Variants in FARP2 observed in about 807,000 individuals in gnomAD.
The protein encoded by FARP2 is FERM, ARHGEF and pleckstrin domain-containing protein 2.
In FARP2, 111 loss-of-function variants were observed where a neutral mutation model predicts 130.5. The observed-to-expected ratio is 0.85, with a 90% CI of 0.73 to 1.00. FARP2 has a LOEUF of 1.00. Among genes scored for constraint, FARP2 ranks in the 50% least tolerant of loss-of-function variants. The pLI is 0.00. For missense variants in FARP2, 1,385 were observed against 1,346.3 expected, an observed-to-expected ratio of 1.03 and a Z score of -0.45; for synonymous variants, 504 against 516.9, an observed-to-expected ratio of 0.98 and a Z score of 0.34.
intron 22 of FARP2, among the ~76,000 whole-genome samples, chr2:241,490,822 G>C (rs1039376062): frequency 6.6e-6 from 1 of 152,174 alleles, no homozygotes; most frequent in Non-Finnish European, 1.5e-5. Context: ...CTAGGACCGG[G>C]GCCCTGCCCT....
At chr2:241,469,175 T>G (rs2064248207) in intron 18 of FARP2, among the ~76,000 whole-genome samples, 1 of 151,570 alleles carries the variant, frequency 6.6e-6, no homozygotes, top group South Asian at 2.1e-4. Context: ...CAATCTCCAC[T>G]TCCCGGGTTC....
At chr2:241,462,701 T>C in intron 15 of FARP2, 89 bp downstream of exon 15, 2 of 935,080 alleles carry the variant, frequency 2.1e-6, no homozygotes, top group Non-Finnish European at 3.3e-6. Context: ...TCTTTTTTTC[T>C]TTTTTTGAGA....
At chr2:241,435,593 G>A (rs62190365) in intron 11 of FARP2, among the ~76,000 whole-genome samples, 16,542 of 147,410 alleles carry the variant, frequency 0.11, 1,156 homozygotes, top group Non-Finnish European at 0.15. Flanking sequence ...CTCACTGCAA[G>A]CTCCGCCTCC....
chr2:241,424,606 G>A (rs187963352), intron 8 of FARP2, among the ~76,000 whole-genome samples: 2 of 152,212 alleles, frequency 1.3e-5, no homozygotes, highest in African/African-American at 4.8e-5. Context: ...AAATAGCCAA[G>A]ATCAGAGCTG....
chr2:241,440,740 T>C (rs769519396), intron 12 of FARP2, among the ~76,000 whole-genome samples: 1 of 152,194 alleles, frequency 6.6e-6, no homozygotes, highest in African/African-American at 2.4e-5. Flanking sequence ...TTCTATTGGC[T>C]GAGTGGAATG....
intron 13 of FARP2, chr2:241,444,292 C>A (rs909919669): frequency 2.0e-5 from 3 of 152,212 alleles, no homozygotes; most frequent in African/African-American, 7.2e-5. Flanking sequence ...GGAGGTTCTT[C>A]TTTTCTTACT....
At chr2:241,373,780 T>G (rs1015334082) in intron 2 of FARP2, among the ~76,000 whole-genome samples, 1 of 152,244 alleles carries the variant, frequency 6.6e-6, no homozygotes, top group Non-Finnish European at 1.5e-5. Flanking sequence ...TGTTGTATGG[T>G]GTTAACATAT....
chr2:241,357,421 G>A (rs2061094031), intron 1 of FARP2, among the ~76,000 whole-genome samples: 1 of 152,164 alleles, frequency 6.6e-6, no homozygotes, highest in African/African-American at 2.4e-5. Context: ...ACCTTTACTT[G>A]TAGGCCAAAT....
At chr2:241,487,893 G>A (rs971143218) in intron 21 of FARP2, among the ~76,000 whole-genome samples, 5 of 150,546 alleles carry the variant, frequency 3.3e-5, no homozygotes, top group South Asian at 2.1e-4. Flanking sequence ...GACTACAGGC[G>A]CCCGCCACCA....
At chr2:241,435,851 T>A (rs937065901) in intron 11 of FARP2, among the ~76,000 whole-genome samples, 4 of 150,706 alleles carry the variant, frequency 2.7e-5, no homozygotes, top group Non-Finnish European at 5.9e-5. Context: ...CATAGAGATA[T>A]TTTTAGTTTC....
chr2:241,456,116 C>T (rs1266663692), intron 13 of FARP2, among the ~76,000 whole-genome samples: 1 of 151,938 alleles, frequency 6.6e-6, no homozygotes, highest in Non-Finnish European at 1.5e-5. Context: ...GCAAATTTGG[C>T]ACCTATTTAT....
rs538464668 is a variant in FARP2 at position 241,406,264 on chromosome 2, C to T, written c.332-1273C>T. 1.6e-3 allele frequency among the ~76,000 whole-genome samples: 244 copies of T among 151,934 alleles called. 1 individual carries two copies. Among genetic ancestry groups the T allele is most frequent in the African/African-American group, 5.4e-3 (225 of 41,410 alleles). On this transcript the variant is annotated intron_variant, in intron 4 of 26. Coordinates refer to ENST00000264042, the MANE Select transcript of FARP2 (RefSeq NM_014808.4). Reference sequence around the variant, plus strand: ...CGGAGCTTGCAGTGAGCCGAGATCACGTCACTGCACTCCAGCCTGGGCGAC... The same window carrying T: ...CGGAGCTTGCAGTGAGCCGAGATCATGTCACTGCACTCCAGCCTGGGCGAC...
intron 2 of FARP2, among the ~76,000 whole-genome samples, chr2:241,380,389 A>G (rs1300568922): frequency 6.6e-6 from 1 of 152,072 alleles, no homozygotes; most frequent in African/African-American, 2.4e-5. Context: ...GTGCCCATGT[A>G]ACTCCCCCAT....
chr2:241,421,999 C>T (rs1230487795), intron 8 of FARP2, among the ~76,000 whole-genome samples: 2 of 151,554 alleles, frequency 1.3e-5, no homozygotes, highest in East Asian at 3.9e-4. Flanking sequence ...CGAAAATTAG[C>T]TGGGTGTAGT....
At chr2:241,416,681 CTT>C (rs1460233713) in intron 7 of FARP2, among the ~76,000 whole-genome samples, 1 of 152,166 alleles carries the variant, frequency 6.6e-6, no homozygotes, top group Non-Finnish European at 1.5e-5. Flanking sequence ...AATCCCAACA[CTT>C]TGAGAGGCCA....
chr2:241,491,687 C>T lies in FARP2; in HGVS notation c.2787+8C>T, dbSNP rs148100094. Reference sequence around the variant, plus strand: ...CACAGTGCAGCTGTCGAGGTACGACCGCATGAGCACCACCTCAGTGCATCT... The same window carrying T: ...CACAGTGCAGCTGTCGAGGTACGACTGCATGAGCACCACCTCAGTGCATCT... On this transcript the variant is annotated splice_region_variant and intron_variant, in intron 24 of 26. Transcript: ENST00000264042. The T allele has an allele frequency of 2.1e-5, 34 of 1,583,798 alleles. No homozygotes were observed. In the African/African-American group the frequency reaches 2.5e-4, roughly 12 times the overall value.
chr2:241,406,630 G>C (rs951275451), intron 4 of FARP2, among the ~76,000 whole-genome samples: 9 of 151,708 alleles, frequency 5.9e-5, no homozygotes, highest in South Asian at 4.2e-4. Context: ...GTTTTTTTGG[G>C]GGGGAGAGGG....
At chr2:241,404,015 C>A (rs957521694) in intron 3 of FARP2, 83 bp downstream of exon 3, 3 of 737,742 alleles carry the variant, frequency 4.1e-6, no homozygotes, top group Non-Finnish European at 7.3e-6. Flanking sequence ...ATTGCCACAT[C>A]ATCAGCATTA....
Position 241,475,020 on chromosome 2 carries a change from A to G in FARP2, c.2132-837A>G, listed in dbSNP as rs953990495. ...ACTTTGTGTTTTAAGTTTCCTGTCC[A>G]GATTATAAACTTTCTCTTATCTTTG... On this transcript the variant is annotated intron_variant, in intron 18 of 26. Transcript: ENST00000264042. The surrounding 1 kb of genome is among the most constrained non-coding windows in gnomAD (Gnocchi z 4.4). 6.6e-6 allele frequency among the ~76,000 whole-genome samples: 1 copy of G among 152,194 alleles called. No individual in the cohort carries two copies. Among genetic ancestry groups the G allele is most frequent in the African/African-American group, 2.4e-5 (1 of 41,444 alleles).
Sources: allele counts gnomAD v4.1 joint callset (sites outside exome capture counted in the v4.1 genomes callset), GRCh38; gene constraint gnomAD v4.1.1; non-coding constraint Gnocchi (gnomAD v3.1); transcripts MANE v1.5; gene names NCBI Gene and HGNC (gene_info 2026-07-23, HGNC 2026-07-21).